The following ROBO2 variants were observed in gnomAD, a reference collection of about 807,000 sequenced individuals.
The protein encoded by ROBO2 is roundabout guidance receptor 2, also known as roundabout homolog 2.
A neutral mutation model predicts 160.8 loss-of-function variants in ROBO2; 53 were observed. That is an observed-to-expected ratio of 0.33 (90% CI 0.26 to 0.41). The LOEUF (loss-of-function observed/expected upper bound fraction) is 0.41, where lower values mean the gene tolerates loss of function less well. ROBO2 is among the 10% of genes least tolerant of loss of function. The pLI is 1.00. For synonymous variants in ROBO2, 664 were observed against 611.7 expected (o/e 1.09, Z -1.26); for missense variants, 1,577 against 1,722.4 (o/e 0.92, Z 1.49).
chr3:77,271,696 C>G (rs1349157436), intron 2 of ROBO2, among the ~76,000 whole-genome samples: 5 of 152,326 alleles, frequency 3.3e-5, no homozygotes, highest in African/African-American at 1.2e-4. Context: ...TCAAGTACTA[C>G]TAAGATGTAC....
intron 2 of ROBO2, among the ~76,000 whole-genome samples, chr3:77,358,678 C>CTT (rs2069483580): frequency 6.6e-6 from 1 of 152,114 alleles, no homozygotes; most frequent in African/African-American, 2.4e-5. Flanking sequence ...CTAAATAGTA[C>CTT]ATCATTTAAG....
At chr3:76,016,199 C>T (rs2066399587) in intron 2 of ROBO2, among the ~76,000 whole-genome samples, 1 of 108,666 alleles carries the variant, frequency 9.2e-6, no homozygotes, top group Admixed American at 1.1e-4. Flanking sequence ...TGTGATAGAA[C>T]CAAAGGAAGA....
intron 2 of ROBO2, among the ~76,000 whole-genome samples, chr3:76,175,151 G>A (rs1326450795): frequency 6.6e-6 from 1 of 151,930 alleles, no homozygotes; most frequent in African/African-American, 2.4e-5. Flanking sequence ...CTCATGATAT[G>A]GCTCTCTGCT....
At chr3:76,200,321 G>A (rs1362808004) in intron 2 of ROBO2, among the ~76,000 whole-genome samples, 1 of 152,136 alleles carries the variant, frequency 6.6e-6, no homozygotes, top group East Asian at 1.9e-4. Flanking sequence ...CCTTCTTCTG[G>A]TGTGGGAAAG....
exon 3 of ROBO2, chr3:77,477,533 G>A (rs1178542467): frequency 1.2e-6 from 2 of 1,613,932 alleles, no homozygotes; most frequent in Non-Finnish European, 8.5e-7. Context: ...CTGGAAAAAA[G>A]ACAAAGTTCG....
chr3:77,016,070 G>A (rs1227835336), intron 2 of ROBO2, among the ~76,000 whole-genome samples: 3 of 151,854 alleles, frequency 2.0e-5, no homozygotes, highest in African/African-American at 7.3e-5. Flanking sequence ...TCCGCCTCCC[G>A]GGTTCACGCC....
At chr3:77,114,420 ATATTT>A (rs1260369158) in intron 2 of ROBO2, among the ~76,000 whole-genome samples, 1 of 152,132 alleles carries the variant, frequency 6.6e-6, no homozygotes. Context: ...ATTCCAGAAA[ATATTT>A]TATTTTATTT....
intron 2 of ROBO2, among the ~76,000 whole-genome samples, chr3:76,129,818 G>A (rs1451405508): frequency 2.0e-5 from 3 of 151,884 alleles, no homozygotes; most frequent in Non-Finnish European, 2.9e-5. Flanking sequence ...TCAATTGTCA[G>A]GGAGTTACAT....
intron 2 of ROBO2, among the ~76,000 whole-genome samples, chr3:76,973,836 C>T (rs2059686040): frequency 6.6e-6 from 1 of 152,156 alleles, no homozygotes; most frequent in African/African-American, 2.4e-5. Flanking sequence ...GTTCAAAACA[C>T]AGTAGACAAT....
intron 2 of ROBO2, among the ~76,000 whole-genome samples, chr3:75,974,383 T>C (rs923854958): frequency 1.3e-5 from 2 of 151,664 alleles, no homozygotes; most frequent in Non-Finnish European, 3.0e-5. Flanking sequence ...GCAATTATTA[T>C]CAGCATAATA....
intron 2 of ROBO2, among the ~76,000 whole-genome samples, chr3:77,477,095 T>A (rs2084105862): frequency 6.6e-6 from 1 of 152,176 alleles, no homozygotes; most frequent in African/African-American, 2.4e-5. Context: ...AATAGAATTA[T>A]ACTAATGAAG....
At chr3:77,449,414 G>A (rs368778257) in intron 2 of ROBO2, among the ~76,000 whole-genome samples, 2 of 151,982 alleles carry the variant, frequency 1.3e-5, no homozygotes, top group East Asian at 3.9e-4. Context: ...ATATATTTAG[G>A]GATGAGAAGG....
chr3:76,957,452 C>A (rs538608703), intron 2 of ROBO2, among the ~76,000 whole-genome samples: 86 of 152,212 alleles, frequency 5.7e-4, no homozygotes, highest in African/African-American at 2.0e-3. Flanking sequence ...GTGCTCCCAA[C>A]TACTTCACAA....
At chr3:76,273,007 A>T (rs1211489041) in intron 2 of ROBO2, among the ~76,000 whole-genome samples, 1 of 94,278 alleles carries the variant, frequency 1.1e-5, no homozygotes, top group East Asian at 2.7e-4. Flanking sequence ...TTTATATATA[A>T]AAATATATTA....
chr3:76,629,150 G>T (rs1047049457), intron 2 of ROBO2, among the ~76,000 whole-genome samples: 4 of 152,174 alleles, frequency 2.6e-5, no homozygotes, highest in Admixed American at 2.0e-4. Context: ...ATATCTGGTT[G>T]TGCTCAATGA....
In ROBO2 at chr3:76,343,706, A is replaced by AT. The variant is rs2074365738; in HGVS notation, c.109+406108dup. The stretch of plus-strand genomic sequence containing the variant: ...TATCATGCAGTATTGGTGTGGTGAG[A>AT]TTTTGGCCTTAGAAGTCGAATGCAA... On this transcript the variant is annotated intron_variant, in intron 2 of 26. Transcript: ENST00000487694. Among the ~76,000 whole-genome samples the AT allele has an allele frequency of 2.0e-5, 3 of 152,054 alleles. No homozygotes were observed. In the South Asian group the frequency reaches 6.2e-4, roughly 31 times the overall value.
chr3:76,123,853 G>A (rs1322032218), intron 2 of ROBO2, among the ~76,000 whole-genome samples: 3 of 152,084 alleles, frequency 2.0e-5, no homozygotes, highest in Non-Finnish European at 4.4e-5. Context: ...TGGAGGTGAT[G>A]TATGTTTCCC....
At chr3:76,884,038 G>A (rs1432814713) in intron 2 of ROBO2, among the ~76,000 whole-genome samples, 2 of 152,050 alleles carry the variant, frequency 1.3e-5, no homozygotes, top group Non-Finnish European at 2.9e-5. Flanking sequence ...AGTGCACTAG[G>A]GGGTTTAATC....
intron 2 of ROBO2, among the ~76,000 whole-genome samples, chr3:77,185,165 A>T (rs1211688781): frequency 6.6e-6 from 1 of 152,006 alleles, no homozygotes; most frequent in Non-Finnish European, 1.5e-5. Context: ...AAAAATGAGG[A>T]CAGGAGTCAG....
Sources: allele counts gnomAD v4.1 joint callset (sites outside exome capture counted in the v4.1 genomes callset), GRCh38; gene constraint gnomAD v4.1.1; transcripts MANE v1.5; gene names NCBI Gene and HGNC (gene_info 2026-07-23, HGNC 2026-07-21).